PRKAR2B: variants seen among roughly 807,000 people sequenced by gnomAD.
The protein encoded by PRKAR2B is protein kinase cAMP-dependent type II regulatory subunit beta.
In PRKAR2B, 14 loss-of-function variants were observed where a neutral mutation model predicts 49.9. The observed-to-expected ratio is 0.28, with a 90% CI of 0.19 to 0.44. The LOEUF (loss-of-function observed/expected upper bound fraction) is 0.44, where lower values mean the gene tolerates loss of function less well. Ranked by LOEUF, PRKAR2B falls within the 20% of genes least tolerant of loss-of-function variation. PRKAR2B has a pLI of 1.00. For missense variants in PRKAR2B, 393 were observed against 537.9 expected (o/e 0.73, Z 2.67); for synonymous variants, 196 against 197.7 (o/e 0.99, Z 0.07).
chr7:107,099,320 C>G (rs755387271), intron 2 of PRKAR2B, among the ~76,000 whole-genome samples: 1 of 152,166 alleles, frequency 6.6e-6, no homozygotes, highest in Non-Finnish European at 1.5e-5. Flanking sequence ...CCTAACCAGG[C>G]GCGGGATATA....
At chr7:107,150,423 G>A (rs1024591594) in intron 6 of PRKAR2B, among the ~76,000 whole-genome samples, 5 of 151,790 alleles carry the variant, frequency 3.3e-5, no homozygotes, top group Non-Finnish European at 5.9e-5. Context: ...AAGCTATTTC[G>A]ATAACAGCAT....
intron 2 of PRKAR2B, among the ~76,000 whole-genome samples, chr7:107,121,721 A>G (rs1449219177): frequency 6.6e-6 from 1 of 152,138 alleles, no homozygotes; most frequent in African/African-American, 2.4e-5. Context: ...TCTAAATAGG[A>G]GAAATAAAAA....
rs201839217 is a variant in PRKAR2B at position 107,157,163 on chromosome 7, C to T, written c.985-23C>T. 308 of 1,608,202 alleles carry T rather than the reference C, an allele frequency of 1.9e-4. 3 individuals are homozygous for T. The South Asian group carries it at 3.0e-3, about 16-fold the overall frequency. ...ATTTTTCATAAGCTGAGGAAAAGCT[C>T]ATCTTTTTAATTGCCTTGTCAGGGT... is the stretch of plus-strand genomic sequence containing the variant. On this transcript the variant is annotated intron_variant, in intron 9 of 10. Coordinates refer to ENST00000265717, the MANE Select transcript of PRKAR2B (RefSeq NM_002736.3).
In PRKAR2B at chr7:107,160,379, A is replaced by C. The variant is rs546337398; in HGVS notation, c.*797A>C. 1 of 152,156 alleles carries C rather than the reference A, an allele frequency of 6.6e-6. No homozygotes were observed. Among genetic ancestry groups the C allele is most frequent in the Non-Finnish European group, 1.5e-5 (1 of 68,018 alleles). 9.4% of individuals were successfully genotyped at this position (152,156 alleles called of 1,614,324 possible). On this transcript the variant is annotated 3_prime_UTR_variant, in exon 11 of 11. Transcript: ENST00000265717. ...ATTTGATCTTGACATTTAATGTCAC[A>C]AAGTTTTGTTTTTTTAAAAAGTGAT...
intron 8 of PRKAR2B, among the ~76,000 whole-genome samples, chr7:107,156,535 G>A (rs1308639926): frequency 6.6e-6 from 1 of 152,176 alleles, no homozygotes; most frequent in Non-Finnish European, 1.5e-5. Flanking sequence ...GCCGGGCTCG[G>A]TGGCTCACGC....
At chr7:107,084,709 C>G (rs1794582555) in intron 2 of PRKAR2B, among the ~76,000 whole-genome samples, 1 of 151,756 alleles carries the variant, frequency 6.6e-6, no homozygotes, top group Non-Finnish European at 1.5e-5. Flanking sequence ...CAAGCTCCGC[C>G]TCCCGGGTTC....
At chr7:107,155,136 A>G (rs983170619) in intron 8 of PRKAR2B, among the ~76,000 whole-genome samples, 2 of 152,242 alleles carry the variant, frequency 1.3e-5, no homozygotes, top group Admixed American at 1.3e-4. Flanking sequence ...CTGCTGGCAT[A>G]CACAGCAGTG....
At chr7:107,049,042 A>G (rs956674083) in intron 1 of PRKAR2B, among the ~76,000 whole-genome samples, 7 of 152,128 alleles carry the variant, frequency 4.6e-5, no homozygotes, top group African/African-American at 1.7e-4. Context: ...TAGGCCTTGA[A>G]TTTCTTAGAA....
At chr7:107,086,457 A>C (rs1012232973) in intron 2 of PRKAR2B, among the ~76,000 whole-genome samples, 1 of 151,872 alleles carries the variant, frequency 6.6e-6, no homozygotes, top group Non-Finnish European at 1.5e-5. Flanking sequence ...GTTTTTTTTT[A>C]AATTAAAAGT....
chr7:107,115,115 A>C (rs927597603), intron 2 of PRKAR2B, among the ~76,000 whole-genome samples: 2 of 151,650 alleles, frequency 1.3e-5, no homozygotes, highest in Non-Finnish European at 2.9e-5. Flanking sequence ...TTTAGAACCT[A>C]CCTAAATAAA....
chr7:107,062,983 A>G (rs1794055071), intron 1 of PRKAR2B, among the ~76,000 whole-genome samples: 1 of 151,986 alleles, frequency 6.6e-6, no homozygotes, highest in Non-Finnish European at 1.5e-5. Flanking sequence ...GGTTTCAGAA[A>G]CTCAATACTT....
intron 2 of PRKAR2B, among the ~76,000 whole-genome samples, chr7:107,115,755 C>G (rs1316019516): frequency 6.6e-6 from 1 of 152,160 alleles, no homozygotes; most frequent in Non-Finnish European, 1.5e-5. Flanking sequence ...TCACAAAATT[C>G]TGGTTTTCTT....
At chr7:107,143,260 T>G (rs1233618675) in intron 5 of PRKAR2B, among the ~76,000 whole-genome samples, 2 of 152,224 alleles carry the variant, frequency 1.3e-5, no homozygotes, top group Non-Finnish European at 2.9e-5. Flanking sequence ...TCTGAAAATC[T>G]GAAATTCTCC....
chr7:107,092,305 A>C lies in PRKAR2B; in HGVS notation c.343+21989A>C, dbSNP rs62483583. On this transcript the variant is annotated intron_variant, in intron 2 of 10. Transcript: ENST00000265717. ...TGTGTGTGTGTGTGTCACAGAATGA[A>C]ATTAGCAGATGTATCATTACCAGAA... Among the ~76,000 whole-genome samples, 1,285 of 150,752 alleles carry C rather than the reference A, an allele frequency of 8.5e-3. 7 individuals carry two copies. The highest frequency in any genetic ancestry group is 0.014 in the Non-Finnish European group (941 of 67,554).
At chr7:107,075,259 T>C (rs1794374448) in intron 2 of PRKAR2B, among the ~76,000 whole-genome samples, 1 of 151,940 alleles carries the variant, frequency 6.6e-6, no homozygotes, top group Non-Finnish European at 1.5e-5. Context: ...CACACCACCA[T>C]GCCTGGCTAA....
At chr7:107,081,313 A>G (rs1236878230) in intron 2 of PRKAR2B, among the ~76,000 whole-genome samples, 2 of 152,096 alleles carry the variant, frequency 1.3e-5, no homozygotes, top group African/African-American at 4.8e-5. Flanking sequence ...CATAAACTGT[A>G]TTTGTAGACT....
intron 3 of PRKAR2B, 47 bp from the exon 4 acceptor site, chr7:107,128,165 A>G (rs1584442940): frequency 1.7e-6 from 2 of 1,179,566 alleles, no homozygotes; most frequent in African/African-American, 1.5e-5. Context: ...TTTGAGTGAG[A>G]TGGTATTGGC....
intron 6 of PRKAR2B, among the ~76,000 whole-genome samples, chr7:107,147,206 G>A (rs1795909370): frequency 6.6e-6 from 1 of 152,140 alleles, no homozygotes; most frequent in Non-Finnish European, 1.5e-5. Flanking sequence ...AGCTACTCAG[G>A]AGGCTGAGGC....
At chr7:107,070,059 T>G in intron 1 of PRKAR2B, 1 of 373,588 alleles carries the variant, frequency 2.7e-6, no homozygotes, top group Admixed American at 4.3e-5. Flanking sequence ...TTCTTTTAAT[T>G]TAAAGTGCTA....
Sources: gnomAD v4.1 joint callset for allele counts (sites outside exome capture counted in the v4.1 genomes callset) on GRCh38, gnomAD v4.1.1 for gene constraint, MANE v1.5 for transcripts, NCBI Gene and HGNC (gene_info 2026-07-23, HGNC 2026-07-21) for gene names.